RIMS2: variants seen among roughly 807,000 people sequenced by gnomAD.
RIMS2 encodes regulating synaptic membrane exocytosis 2, also known as regulating synaptic membrane exocytosis protein 2.
RIMS2 carries 59 observed loss-of-function variants against 174.4 expected under a neutral mutation model. That is an observed-to-expected ratio of 0.34 (90% CI 0.27 to 0.42). The LOEUF (loss-of-function observed/expected upper bound fraction) is 0.42. Among genes scored for constraint, RIMS2 ranks in the 10% least tolerant of loss-of-function variants. The pLI, the probability that RIMS2 is intolerant of heterozygous loss-of-function variation, is 1.00. For synonymous variants in RIMS2, 606 were observed against 572.5 expected (o/e 1.06, Z -0.84); for missense variants, 1,620 against 1,666.3 (o/e 0.97, Z 0.48).
intron 14 of RIMS2, among the ~76,000 whole-genome samples, chr8:103,947,596 A>G (rs2084118925): frequency 6.6e-6 from 1 of 152,192 alleles, no homozygotes; most frequent in Non-Finnish European, 1.5e-5. Context: ...GTACAGTCAA[A>G]ATATGGTATA....
intron 1 of RIMS2, among the ~76,000 whole-genome samples, chr8:103,566,409 C>G (rs1377451393): frequency 6.6e-6 from 1 of 152,180 alleles, no homozygotes; most frequent in Non-Finnish European, 1.5e-5. Flanking sequence ...TTGTCATTTT[C>G]TATAGATTTT....
intron 4 of RIMS2, among the ~76,000 whole-genome samples, chr8:103,887,348 T>G (rs1317382743): frequency 6.6e-6 from 1 of 151,634 alleles, no homozygotes; most frequent in Non-Finnish European, 1.5e-5. Flanking sequence ...ATTTCTCATT[T>G]TAATGTTTAT....
chr8:103,961,078 A>G (rs541305456), exon 15 of RIMS2: 10 of 1,486,706 alleles, frequency 6.7e-6, no homozygotes, highest in African/African-American at 1.4e-5. Flanking sequence ...CAAAGAGAAT[A>G]AGTGATAGTG....
intron 1 of RIMS2, among the ~76,000 whole-genome samples, chr8:103,690,842 T>A (rs534380901): frequency 6.6e-6 from 1 of 152,338 alleles, no homozygotes; most frequent in East Asian, 1.9e-4. Flanking sequence ...TTAACATTCT[T>A]CTTTGAGATT....
chr8:104,208,679 G>A (rs2099091963), intron 19 of RIMS2, among the ~76,000 whole-genome samples: 1 of 152,168 alleles, frequency 6.6e-6, no homozygotes, highest in Non-Finnish European at 1.5e-5. Context: ...AGAGTAAATA[G>A]CAGGAACCAA....
chr8:103,526,161 A>C (rs1586799091), intron 1 of RIMS2, among the ~76,000 whole-genome samples: 1 of 152,180 alleles, frequency 6.6e-6, no homozygotes, highest in South Asian at 2.1e-4. Flanking sequence ...TGCCTGCTAA[A>C]TCCCCCAGGC....
intron 13 of RIMS2, among the ~76,000 whole-genome samples, chr8:103,937,800 C>T (rs74947818): frequency 6.6e-6 from 1 of 152,078 alleles, no homozygotes; most frequent in Non-Finnish European, 1.5e-5. Flanking sequence ...CAGGGCATGT[C>T]CCTTAATATA....
chr8:103,920,394 A>T (rs1317655010), intron 9 of RIMS2, among the ~76,000 whole-genome samples: 5 of 152,134 alleles, frequency 3.3e-5, no homozygotes, highest in Non-Finnish European at 7.4e-5. Context: ...AAAAAACAAC[A>T]ACGACAACAA....
At chr8:103,893,151 T>G (rs2099257001) in intron 4 of RIMS2, among the ~76,000 whole-genome samples, 1 of 152,054 alleles carries the variant, frequency 6.6e-6, no homozygotes, top group Non-Finnish European at 1.5e-5. Context: ...CATTATTTCT[T>G]TCAGCTAAAA....
At chr8:103,548,712 A>G (rs1197833606) in intron 1 of RIMS2, among the ~76,000 whole-genome samples, 1 of 151,944 alleles carries the variant, frequency 6.6e-6, no homozygotes, top group Non-Finnish European at 1.5e-5. Flanking sequence ...TTAAATAGGA[A>G]GAGATGAAGA....
At chr8:103,593,136 C>A (rs980391828) in intron 1 of RIMS2, among the ~76,000 whole-genome samples, 2 of 151,438 alleles carry the variant, frequency 1.3e-5, no homozygotes, top group African/African-American at 2.4e-5. Context: ...CCAATGATAA[C>A]ATTTGAGCTT....
chr8:103,937,014 C>T (rs931750012), intron 13 of RIMS2, among the ~76,000 whole-genome samples: 7 of 151,840 alleles, frequency 4.6e-5, no homozygotes, highest in Admixed American at 6.6e-5. Flanking sequence ...AGGAGAATGG[C>T]GTGAGCCCGG....
intron 3 of RIMS2, among the ~76,000 whole-genome samples, chr8:103,874,390 A>G (rs560675521): frequency 6.6e-6 from 1 of 151,992 alleles, no homozygotes; most frequent in African/African-American, 2.4e-5. Context: ...AATGGAGGAG[A>G]CATTCCTTCC....
intron 19 of RIMS2, among the ~76,000 whole-genome samples, chr8:104,050,223 G>A (rs535687383): frequency 6.6e-6 from 1 of 151,970 alleles, no homozygotes; most frequent in Admixed American, 6.6e-5. Flanking sequence ...AATTTTATTT[G>A]TTCAACAAGC....
At chr8:103,989,175 A>G in intron 16 of RIMS2, 130 bp from the exon 19 acceptor site, 1 of 636,906 alleles carries the variant, frequency 1.6e-6, no homozygotes, top group Non-Finnish European at 2.8e-6. Flanking sequence ...TAGAGATGCA[A>G]TTAATTAAAA....
At chr8:104,152,296 T>C (rs74787130) in intron 19 of RIMS2, among the ~76,000 whole-genome samples, 2,895 of 152,276 alleles carry the variant, frequency 0.019, 88 homozygotes, top group African/African-American at 0.066. Context: ...TTATAATGGG[T>C]ACATTTTTAA....
intron 1 of RIMS2, among the ~76,000 whole-genome samples, chr8:103,544,666 G>A (rs545075985): frequency 6.6e-6 from 1 of 152,236 alleles, no homozygotes; most frequent in Non-Finnish European, 1.5e-5. Flanking sequence ...GCAGATTAGG[G>A]TTAAGGTGGC....
chr8:104,254,113 A>T (rs949921793), downstream of RIMS2: 1 of 152,190 alleles, frequency 6.6e-6, no homozygotes, highest in East Asian at 1.9e-4. Flanking sequence ...GCATATTCCT[A>T]TACAAATTAT....
At chr8:104,231,488 CCTGT>C (rs1400341193) in intron 19 of RIMS2, among the ~76,000 whole-genome samples, 1 of 152,108 alleles carries the variant, frequency 6.6e-6, no homozygotes. Context: ...GTATATATAT[CCTGT>C]CTAATTGTCC....
Sources: gnomAD v4.1 joint callset for allele counts (sites outside exome capture counted in the v4.1 genomes callset) on GRCh38, gnomAD v4.1.1 for gene constraint, MANE v1.5 for transcripts, NCBI Gene and HGNC (gene_info 2026-07-23, HGNC 2026-07-21) for gene names.